PALM: variants seen among roughly 807,000 people sequenced by gnomAD.
The protein encoded by PALM is paralemmin-1.
In PALM, 18 loss-of-function variants were observed where a neutral mutation model predicts 30.7. The observed-to-expected ratio is 0.59, with a 90% CI of 0.41 to 0.87. The LOEUF (loss-of-function observed/expected upper bound fraction) is 0.87, where lower values mean the gene tolerates loss of function less well. Among genes scored for constraint, PALM ranks in the 40% least tolerant of loss-of-function variants. The probability of loss-of-function intolerance (pLI) is 0.00; values close to 1 mark genes in which losing one functional copy is unlikely to be tolerated. For missense variants in PALM, 529 were observed against 555.4 expected (o/e 0.95, Z 0.48); for synonymous variants, 286 against 242.8 (o/e 1.18, Z -1.66).
chr19:737,604 C>G (rs1003705217), intron 7 of PALM, among the ~76,000 whole-genome samples: 2 of 151,916 alleles, frequency 1.3e-5, no homozygotes, highest in African/African-American at 4.8e-5. Context: ...GAGCAAAGAC[C>G]CAGAGGTGCT....
chr19:715,307 G>C (rs1317683969), intron 1 of PALM, among the ~76,000 whole-genome samples: 1 of 151,952 alleles, frequency 6.6e-6, no homozygotes, highest in Admixed American at 6.5e-5. Context: ...TTTTCTGAGT[G>C]TGGGCCCCTG....
At chr19:734,906 G>T in intron 6 of PALM, 5 of 211,702 alleles carry the variant, frequency 2.4e-5, no homozygotes, top group Non-Finnish European at 4.1e-5. Flanking sequence ...TGACGCTGGC[G>T]TCTGAAGTGC....
Position 742,370 on chromosome 19 carries a change from C to T in PALM, c.634+1887C>T, listed in dbSNP as rs150938053. On this transcript the variant is annotated intron_variant, in intron 8 of 8. Coordinates refer to ENST00000338448, the MANE Select transcript of PALM (RefSeq NM_002579.3). The surrounding 1 kb of genome is among the most constrained non-coding windows in gnomAD (Gnocchi z 5.5). Reference sequence around the variant, plus strand: ...CTGTAATCCCGGCACTTTGGGAGGCCGAGGCGGGTGGATCACCTGAGGTCA... The same window carrying T: ...CTGTAATCCCGGCACTTTGGGAGGCTGAGGCGGGTGGATCACCTGAGGTCA... Among the ~76,000 whole-genome samples the T allele has an allele frequency of 1.1e-3, 172 of 152,162 alleles. No homozygotes were observed. The highest frequency in any genetic ancestry group is 3.9e-3 in the African/African-American group (163 of 41,526).
chr19:737,095 G>T (rs2144909689), intron 7 of PALM, among the ~76,000 whole-genome samples: 1 of 152,334 alleles, frequency 6.6e-6, no homozygotes, highest in African/African-American at 2.4e-5. Flanking sequence ...GGACTCTGGG[G>T]TGGCTGCCCA....
At chr19:735,487 G>A (rs2032998412) in intron 6 of PALM, among the ~76,000 whole-genome samples, 1 of 74,580 alleles carries the variant, frequency 1.3e-5, no homozygotes, top group African/African-American at 5.9e-5. Context: ...CCAGGTGCCT[G>A]TGTCCGGGTG....
At chr19:736,233 G>A (rs1433743328) in intron 7 of PALM, 155 bp downstream of exon 7, 7 of 565,390 alleles carry the variant, frequency 1.2e-5, no homozygotes, top group East Asian at 3.4e-5. Context: ...GACCGAGGCC[G>A]AGGCTCCGAG....
At chr19:710,034 G>A (rs1293595167) in intron 1 of PALM, among the ~76,000 whole-genome samples, 1 of 152,166 alleles carries the variant, frequency 6.6e-6, no homozygotes, top group East Asian at 1.9e-4. Context: ...CACTGCACGG[G>A]CAGGGGTCAG....
chr19:734,352 G>T, intron 6 of PALM, 158 bp downstream of exon 6: 5 of 664,036 alleles, frequency 7.5e-6, no homozygotes. Flanking sequence ...CTGAGGTCAG[G>T]AGTTCGAGAC....
At chr19:725,820 C>T (rs2032641203) in intron 1 of PALM, among the ~76,000 whole-genome samples, 1 of 152,086 alleles carries the variant, frequency 6.6e-6, no homozygotes. Context: ...GATACACTTC[C>T]TTCTTCCCGA....
chr19:737,338 G>A (rs1266436227), intron 7 of PALM, among the ~76,000 whole-genome samples: 1 of 152,248 alleles, frequency 6.6e-6, no homozygotes, highest in African/African-American at 2.4e-5. Flanking sequence ...AACAGTGTGG[G>A]CAGCTCTGGA....
At position 741,241 on chromosome 19, in the gene PALM, C is replaced by T. The variant is rs1040731993; in HGVS notation, c.634+758C>T. Among the ~76,000 whole-genome samples the T allele has an allele frequency of 2.3e-4, 35 of 152,092 alleles. No homozygotes were observed. In the East Asian group the frequency reaches 2.5e-3, roughly 11 times the overall value. On this transcript the variant is annotated intron_variant, in intron 8 of 8. Transcript: ENST00000338448. ...AAGTCTCACAGGGTGAGGATGGGGC[C>T]GGGGGAGGCTTCCCAGAGGAGGCAA...
Position 712,293 on chromosome 19 carries a change from G to T in PALM, c.5+3142G>T, listed in dbSNP as rs529058326. 2.0e-3 allele frequency among the ~76,000 whole-genome samples: 305 copies of T among 152,138 alleles called. 1 individual carries two copies. The highest frequency in any genetic ancestry group is 3.4e-3 in the Middle Eastern group (1 of 292). Reference sequence around the variant, plus strand: ...CTGCCTCGGCCTCCCCAAAGTGTTGGGATGAAAGGCGTGAGCCACGTGCCT... The same window carrying T: ...CTGCCTCGGCCTCCCCAAAGTGTTGTGATGAAAGGCGTGAGCCACGTGCCT... On this transcript the variant is annotated intron_variant, in intron 1 of 8. Transcript: ENST00000338448.
intron 1 of PALM, among the ~76,000 whole-genome samples, chr19:710,837 C>T (rs1459948077): frequency 6.6e-6 from 1 of 152,234 alleles, no homozygotes; most frequent in Non-Finnish European, 1.5e-5. Flanking sequence ...TGCTGTGAGC[C>T]GCCATTCGAG....
chr19:737,327 C>T (rs1295579345), intron 7 of PALM, among the ~76,000 whole-genome samples: 1 of 152,228 alleles, frequency 6.6e-6, no homozygotes, highest in East Asian at 1.9e-4. Context: ...ACAACCTGCT[C>T]AACAGTGTGG....
intron 2 of PALM, 43 bp from the exon 3 acceptor site, chr19:726,965 G>GGGGGGGGGACGCGGGC: frequency 1.9e-6 from 2 of 1,037,616 alleles, no homozygotes; most frequent in Non-Finnish European, 2.7e-6. Flanking sequence ...GGGTCTCCGG[G>GGGGGGGGGACGCGGGC]ACCCCCACGC....
intron 1 of PALM, among the ~76,000 whole-genome samples, chr19:713,581 C>A (rs2032154546): frequency 6.6e-6 from 1 of 152,172 alleles, no homozygotes; most frequent in Non-Finnish European, 1.5e-5. Context: ...GGCTTATGTT[C>A]TTTTTGTTTG....
At chr19:745,369 G>A in intron 8 of PALM, among the ~76,000 whole-genome samples, 1 of 152,118 alleles carries the variant, frequency 6.6e-6, no homozygotes, top group Non-Finnish European at 1.5e-5. Context: ...ACTTTTCAGG[G>A]TGATCACGTG....
At chr19:744,317 G>C (rs905887018) in intron 8 of PALM, among the ~76,000 whole-genome samples, 2 of 150,492 alleles carry the variant, frequency 1.3e-5, no homozygotes, top group African/African-American at 2.4e-5. Flanking sequence ...GGAGAATGGC[G>C]TGAACCCGGG....
intron 4 of PALM, chr19:727,975 C>G (rs993674485): frequency 3.4e-5 from 12 of 351,924 alleles, no homozygotes; most frequent in African/African-American, 1.7e-4. Context: ...TTTGAGCCAG[C>G]GAGGGACGTG....
Sources: gnomAD v4.1 joint callset for allele counts (sites outside exome capture counted in the v4.1 genomes callset) on GRCh38, gnomAD v4.1.1 for gene constraint, Gnocchi (gnomAD v3.1) non-coding constraint, MANE v1.5 for transcripts, NCBI Gene and HGNC (gene_info 2026-07-23, HGNC 2026-07-21) for gene names.